Variants in MEN1 observed in about 807,000 individuals in gnomAD.
MEN1 encodes the protein menin.
MEN1 carries 6 observed loss-of-function variants against 58.0 expected under a neutral mutation model. That is an observed-to-expected ratio of 0.10 (90% CI 0.06 to 0.20). MEN1 has a LOEUF of 0.20. Among genes scored for constraint, MEN1 ranks in the 10% least tolerant of loss-of-function variants. The pLI is 1.00. For missense variants in MEN1, 492 were observed against 818.5 expected (o/e 0.60, Z 4.87); for synonymous variants, 346 against 350.7 (o/e 0.99, Z 0.15).
intron 2 of MEN1, 84 bp downstream of exon 2, chr11:64,809,581 A>G: frequency 6.5e-7 from 1 of 1,536,206 alleles, no homozygotes; most frequent in South Asian, 1.2e-5. Flanking sequence ...CACAAGGCTT[A>G]CAGTTCTTAA....
intron 6 of MEN1, 141 bp from the exon 7 acceptor site, chr11:64,806,509 C>T (rs759271863): frequency 4.8e-5 from 48 of 992,416 alleles, no homozygotes; most frequent in Non-Finnish European, 6.7e-5. Flanking sequence ...CACCTCCACT[C>T]GCTGCCAGCC....
In MEN1 at chr11:64,805,180, A is replaced by G; in HGVS notation, c.1204T>C (p.Ser402Pro). Reference sequence around the variant, plus strand: ...AAGCACTCAGGGTCCTGGAGGGCGGAACCTTGGCTCTGGGTGCCCTGGACG... The same window carrying G: ...AAGCACTCAGGGTCCTGGAGGGCGGGACCTTGGCTCTGGGTGCCCTGGACG... ...EQSQGTQSQG[S>P]ALQDPECFAH... The change falls in exon 9 of 10, where the codon TCC becomes CCC. Residue 402 changes from serine (S) to proline (P), a missense_variant. By Grantham distance (74) the Ser-to-Pro change is moderately conservative (BLOSUM62 -1). This residue lies in a region of MEN1 where 335 missense variants were observed against 550.3 expected (regional missense o/e 0.61). Transcript: ENST00000450708. The G allele has an allele frequency of 1.9e-6, 3 of 1,613,832 alleles. No homozygotes were observed. Among genetic ancestry groups the G allele is most frequent in the Non-Finnish European group, 2.5e-6 (3 of 1,180,008 alleles).
In MEN1 at chr11:64,806,379, G is replaced by T; in HGVS notation, c.913-11C>A. 6.2e-7 allele frequency: 1 copy of T among 1,614,134 alleles called. No homozygotes were observed. The highest frequency in any genetic ancestry group is 8.5e-7 in the Non-Finnish European group (1 of 1,179,982). On this transcript the variant is annotated splice_polypyrimidine_tract_variant and intron_variant, in intron 6 of 9. Coordinates refer to ENST00000450708, the MANE Select transcript of MEN1 (RefSeq NM_001370259.2). Reference sequence around the variant, plus strand: ...GGCTGAGGCAATGCCCTGGATGGAGGTGAGGCAGAGGATCCTCAGGGAGGC... The same window carrying T: ...GGCTGAGGCAATGCCCTGGATGGAGTTGAGGCAGAGGATCCTCAGGGAGGC...
chr11:64,805,403 G>A (rs1941648182), intron 8 of MEN1, among the ~76,000 whole-genome samples: 1 of 152,164 alleles, frequency 6.6e-6, no homozygotes, highest in African/African-American at 2.4e-5. Flanking sequence ...TCAGCTGAGG[G>A]AGGGAGTCTG....
Position 64,807,712 on chromosome 11 carries a change from G to T in MEN1, c.655-32C>A, listed in dbSNP as rs370583747. The T allele has an allele frequency of 1.9e-6, 3 of 1,613,992 alleles. No individual in the cohort carries two copies. In the South Asian group the frequency reaches 3.3e-5, roughly 18 times the overall value. ...GGGGGATGAGATCATTATGTCTCATGATGGCCCACCCTGTGCCTGCTTCAG... is the reference window on the plus strand; with the variant it reads ...GGGGGATGAGATCATTATGTCTCATTATGGCCCACCCTGTGCCTGCTTCAG... On this transcript the variant is annotated intron_variant, in intron 3 of 9. Transcript: ENST00000450708. The surrounding 1 kb of genome is among the most constrained non-coding windows in gnomAD (Gnocchi z 4.9).
intron 1 of MEN1, 141 bp downstream of exon 1, chr11:64,810,373 A>ACCCCAATGAGGAG (rs1340122709): frequency 1.9e-6 from 1 of 532,426 alleles, no homozygotes; most frequent in Non-Finnish European, 3.4e-6. Context: ...CGCCCCAAGC[A>ACCCCAATGAGGAG]CCCCAATGAG....
At chr11:64,806,018 G>GA (rs1335438052) in intron 7 of MEN1, 1,132 of 630,594 alleles carry the variant, frequency 1.8e-3, no homozygotes, top group Non-Finnish European at 2.3e-3. Context: ...ACTGTTCTGA[G>GA]AAAAAAAAAA....
intron 7 of MEN1, 137 bp from the exon 8 acceptor site, chr11:64,805,907 G>C: frequency 1.1e-6 from 1 of 898,466 alleles, no homozygotes; most frequent in Middle Eastern, 2.6e-4. Flanking sequence ...ATGCTGTCTG[G>C]GTCAGCCCAG....
Position 64,805,022 on chromosome 11 carries a change from G to T in MEN1, c.1350+12C>A, listed in dbSNP as rs1186166424. 20 of 1,613,020 alleles carry T rather than the reference G, an allele frequency of 1.2e-5. No individual in the cohort carries two copies. Among genetic ancestry groups the T allele is most frequent in the Non-Finnish European group, 1.6e-5 (19 of 1,180,022 alleles). On this transcript the variant is annotated intron_variant, in intron 9 of 9. Transcript: ENST00000450708. Reference sequence around the variant, plus strand: ...CCTGTAGTGCCCAGACCTCTGTGCAGCTGTCCCTCACCTGTCCCTCAAAAC... The same window carrying T: ...CCTGTAGTGCCCAGACCTCTGTGCATCTGTCCCTCACCTGTCCCTCAAAAC...
intron 1 of MEN1, 101 bp downstream of exon 1, chr11:64,810,413 T>G (rs1942052709): frequency 2.2e-6 from 1 of 446,450 alleles, no homozygotes. Flanking sequence ...GCCCCCTCTC[T>G]ACGACTGTGC....
In MEN1 at chr11:64,809,852, G is replaced by A. The variant is rs759731868; in HGVS notation, c.258C>T (p.Ile86=). 3.7e-6 allele frequency: 6 copies of A among 1,612,120 alleles called. No homozygotes were observed. Among genetic ancestry groups the A allele is most frequent in the Middle Eastern group, 1.7e-4 (1 of 6,060 alleles). ...TYFPVADLSI[I]AALYARFTAQ... is the part of the protein sequence containing the mutation. ...CGGTGAAGCGGGCATAGAGGGCGGC[G>A]ATGATAGACAGGTCGGCCACGGGAA... is the stretch of plus-strand genomic sequence containing the variant. Residue 86 remains isoleucine, a synonymous_variant, in exon 2 of 10, where the codon ATC becomes ATT. Coordinates refer to ENST00000450708, the MANE Select transcript of MEN1 (RefSeq NM_001370259.2).
In MEN1 at chr11:64,807,760, G is replaced by T; in HGVS notation, c.655-80C>A. On this transcript the variant is annotated intron_variant, in intron 3 of 9. Coordinates refer to ENST00000450708, the MANE Select transcript of MEN1 (RefSeq NM_001370259.2). The surrounding 1 kb of genome is among the most constrained non-coding windows in gnomAD (Gnocchi z 4.9). ...CAGGGAATGACAGCCAGGAAAAGGGGCTCTTCTGTCTTCCCTTCCTATGTG... is the reference window on the plus strand; with the variant it reads ...CAGGGAATGACAGCCAGGAAAAGGGTCTCTTCTGTCTTCCCTTCCTATGTG... 1 of 1,610,830 alleles carries T rather than the reference G, an allele frequency of 6.2e-7. No homozygotes were observed.
Position 64,809,975 on chromosome 11 carries a change from C to T in MEN1, c.135G>A (p.Glu45=), listed in dbSNP as rs778670301. The part of the protein sequence containing the change: ...VLLSLVLGFV[E]HFLAVNRVIP... ...TGACGCGGTTGACAGCCAGAAAATG[C>T]TCCACGAAGCCCAGCACCAAGGAAA... Residue 45 remains glutamate, a synonymous_variant, in exon 2 of 10, where the codon GAG becomes GAA. Transcript: ENST00000450708. The T allele has an allele frequency of 1.9e-6, 3 of 1,591,004 alleles. No individual in the cohort carries two copies. The highest frequency in any genetic ancestry group is 2.7e-5 in the African/African-American group (2 of 74,426).
Position 64,804,021 on chromosome 11 carries a change from G to A in MEN1, c.*313C>T. The A allele has an allele frequency of 2.1e-6, 1 of 466,556 alleles. No homozygotes were observed. 28.9% of individuals were successfully genotyped at this position (466,556 alleles called of 1,614,324 possible). ...ACGTTGGTCTGGCTCTAGGTGAGCG[G>A]TTCCGAGGAGGAGCTTGGGTTTCTA... On this transcript the variant is annotated 3_prime_UTR_variant, in exon 10 of 10. Coordinates refer to ENST00000450708, the MANE Select transcript of MEN1 (RefSeq NM_001370259.2). The surrounding 1 kb of genome is among the most constrained non-coding windows in gnomAD (Gnocchi z 4.2).
Position 64,809,661 on chromosome 11 carries a change from C to T in MEN1, c.445+4G>A, listed in dbSNP as rs1941974933. On this transcript the variant is annotated splice_donor_region_variant and intron_variant, in intron 2 of 9. Transcript: ENST00000450708. ...GATAAGATTCCCACCTACTGGGCTC[C>T]AACCTGTGATGAAGCTGAAGAGGGA... 1 of 1,614,038 alleles carries T rather than the reference C, an allele frequency of 6.2e-7. No individual in the cohort carries two copies. Among genetic ancestry groups the T allele is most frequent in the Non-Finnish European group, 8.5e-7 (1 of 1,179,916 alleles).
At position 64,807,447 on chromosome 11, in the gene MEN1, A is replaced by G; in HGVS notation, c.783+105T>C. Reference sequence around the variant, plus strand: ...CCAGGAATTACTAACCCATTTTTCCAGGAGGGGAAGCTGAAGCTCAGGAAG... The same window carrying G: ...CCAGGAATTACTAACCCATTTTTCCGGGAGGGGAAGCTGAAGCTCAGGAAG... On this transcript the variant is annotated intron_variant, in intron 4 of 9. Coordinates refer to ENST00000450708, the MANE Select transcript of MEN1 (RefSeq NM_001370259.2). This position sits in a 1 kb window ranked among gnomAD's most constrained non-coding sequence, Gnocchi z 4.9. The G allele has an allele frequency of 7.8e-7, 1 of 1,287,302 alleles. No homozygotes were observed. Among genetic ancestry groups the G allele is most frequent in the Non-Finnish European group, 1.1e-6 (1 of 902,766 alleles). The allele number at this position is 1,287,302 out of a possible 1,614,324, so 79.7% of individuals were successfully genotyped here. A position where few individuals can be genotyped will look rare whatever the true frequency, so the allele number is the denominator to read the frequency against.
chr11:64,804,217 G>C lies in MEN1; in HGVS notation c.*117C>G, dbSNP rs1941474468. The C allele has an allele frequency of 7.3e-7, 1 of 1,375,396 alleles. No individual in the cohort carries two copies. The allele number at this position is 1,375,396 out of a possible 1,614,324, so 85.2% of individuals were successfully genotyped here. ...GACTGTACTCGGGACCGGGAACCTA[G>C]GGTTTGGGTAGAGGTGAGGCCTGTC... is the stretch of plus-strand genomic sequence containing the variant. On this transcript the variant is annotated 3_prime_UTR_variant, in exon 10 of 10. Coordinates refer to ENST00000450708, the MANE Select transcript of MEN1 (RefSeq NM_001370259.2). This position sits in a 1 kb window ranked among gnomAD's most constrained non-coding sequence, Gnocchi z 4.2.
chr11:64,808,561 C>G (rs1029436129), intron 2 of MEN1, among the ~76,000 whole-genome samples: 8 of 152,192 alleles, frequency 5.3e-5, no homozygotes, highest in African/African-American at 1.9e-4. Flanking sequence ...TATGGCACAC[C>G]AGGATGGGAT....
In MEN1 at chr11:64,804,840, T is replaced by G; in HGVS notation, c.1351-24A>C. 2 of 1,596,286 alleles carry G rather than the reference T, an allele frequency of 1.3e-6. No homozygotes were observed. Among genetic ancestry groups the G allele is most frequent in the Non-Finnish European group, 1.7e-6 (2 of 1,178,696 alleles). On this transcript the variant is annotated intron_variant, in intron 9 of 9. Coordinates refer to ENST00000450708, the MANE Select transcript of MEN1 (RefSeq NM_001370259.2). The surrounding 1 kb of genome is among the most constrained non-coding windows in gnomAD (Gnocchi z 4.2). ...ACCTGGGCCAGTGGGGAGAGCAAGGTGAGAGCAAGGTTGCCGGCCAGTGGC... is the reference window on the plus strand; with the variant it reads ...ACCTGGGCCAGTGGGGAGAGCAAGGGGAGAGCAAGGTTGCCGGCCAGTGGC...
Sources: allele counts gnomAD v4.1 joint callset (sites outside exome capture counted in the v4.1 genomes callset), GRCh38; gene constraint gnomAD v4.1.1; regional missense constraint gnomAD v4.1.1; non-coding constraint Gnocchi (gnomAD v3.1); transcripts MANE v1.5; gene names NCBI Gene and HGNC (gene_info 2026-07-23, HGNC 2026-07-21).